The following CMTM8 variants were observed in gnomAD, a reference collection of about 807,000 sequenced individuals.
CMTM8 encodes CKLF-like MARVEL transmembrane domain-containing protein 8.
In CMTM8, 12 loss-of-function variants were observed where a neutral mutation model predicts 18.6. The ratio of observed to expected loss-of-function variants is 0.65; its 90% confidence interval spans 0.41 to 1.05. The LOEUF is 1.05. Ranked by LOEUF, CMTM8 falls within the 50% of genes least tolerant of loss-of-function variation. CMTM8 has a pLI of 0.00. For synonymous variants in CMTM8, 87 were observed against 90.6 expected (o/e 0.96, Z 0.23); for missense variants, 217 against 227.2 (o/e 0.95, Z 0.29).
At chr3:32,317,847 A>C (rs1217977035) in intron 1 of CMTM8, among the ~76,000 whole-genome samples, 1 of 152,126 alleles carries the variant, frequency 6.6e-6, no homozygotes, top group Non-Finnish European at 1.5e-5. Context: ...TGAGGTCAGG[A>C]GTTCAAGACC....
intron 1 of CMTM8, among the ~76,000 whole-genome samples, chr3:32,303,510 A>C (rs1695663130): frequency 6.6e-6 from 1 of 152,164 alleles, no homozygotes; most frequent in South Asian, 2.1e-4. Flanking sequence ...TGGGTCGCTT[A>C]TCTTCAAATT....
At chr3:32,315,158 T>C (rs1396615112) in intron 1 of CMTM8, among the ~76,000 whole-genome samples, 2 of 150,882 alleles carry the variant, frequency 1.3e-5, no homozygotes, top group African/African-American at 4.9e-5. Context: ...GAGATGGAGT[T>C]TCACTCTGTC....
At chr3:32,333,631 C>CAAA (rs10576288) in intron 1 of CMTM8, among the ~76,000 whole-genome samples, 3 of 114,824 alleles carry the variant, frequency 2.6e-5, no homozygotes, top group Admixed American at 9.3e-5. Context: ...ACTTTTCCAC[C>CAAA]AAAAAAAAAA....
chr3:32,361,132 C>T lies in CMTM8; in HGVS notation c.321+3586C>T, dbSNP rs959591376. On this transcript the variant is annotated intron_variant, in intron 2 of 3. Coordinates refer to ENST00000307526, the MANE Select transcript of CMTM8 (RefSeq NM_178868.5). ...GCGTAGCTGGGATTAAAGGCATGCG[C>T]CACCACGCCCAGCTAATTTTATATT... Among the ~76,000 whole-genome samples, 11 of 152,250 alleles carry T rather than the reference C, an allele frequency of 7.2e-5. No homozygotes were observed. The East Asian group carries it at 7.7e-4, about 11-fold the overall frequency.
chr3:32,322,200 A>G (rs572317160), intron 1 of CMTM8, among the ~76,000 whole-genome samples: 156 of 152,348 alleles, frequency 1.0e-3, no homozygotes, highest in Non-Finnish European at 1.8e-3. Flanking sequence ...CAAGAACCCA[A>G]CTGAGTGTGC....
intron 1 of CMTM8, among the ~76,000 whole-genome samples, chr3:32,346,208 T>G (rs115229689): frequency 0.013 from 1,913 of 152,230 alleles, 35 homozygotes; most frequent in South Asian, 0.026. Flanking sequence ...AGTAGGGTGG[T>G]CAAATACCTG....
intron 1 of CMTM8, among the ~76,000 whole-genome samples, chr3:32,248,013 T>TA (rs2125529366): frequency 6.6e-6 from 1 of 152,356 alleles, no homozygotes; most frequent in South Asian, 2.1e-4. Flanking sequence ...ATCATGTTTT[T>TA]AAGGGTCATC....
intron 1 of CMTM8, among the ~76,000 whole-genome samples, chr3:32,343,756 A>G (rs1185049047): frequency 6.6e-6 from 1 of 152,074 alleles, no homozygotes; most frequent in Admixed American, 6.6e-5. Context: ...CTGGAGTGCA[A>G]TGGCGTGATC....
chr3:32,344,916 T>G (rs1696565850), intron 1 of CMTM8, among the ~76,000 whole-genome samples: 1 of 152,020 alleles, frequency 6.6e-6, no homozygotes, highest in Admixed American at 6.6e-5. Context: ...ACCTGACATT[T>G]GTTTTCTTAG....
intron 1 of CMTM8, among the ~76,000 whole-genome samples, chr3:32,314,304 G>A (rs1253772571): frequency 1.3e-5 from 2 of 152,014 alleles, no homozygotes; most frequent in Non-Finnish European, 2.9e-5. Context: ...GGGCTGGTTG[G>A]GGTACCAGAG....
At chr3:32,295,592 A>G (rs1199545394) in intron 1 of CMTM8, among the ~76,000 whole-genome samples, 2 of 152,122 alleles carry the variant, frequency 1.3e-5, no homozygotes, top group African/African-American at 4.8e-5. Context: ...CATAGATCCA[A>G]CTATTGTATA....
chr3:32,362,468 C>T (rs764805588), intron 2 of CMTM8, among the ~76,000 whole-genome samples: 13 of 152,146 alleles, frequency 8.5e-5, no homozygotes, highest in Non-Finnish European at 1.8e-4. Flanking sequence ...TTCCATTTTG[C>T]AGATGAAGAA....
chr3:32,364,497 T>G (rs951009025), intron 2 of CMTM8, among the ~76,000 whole-genome samples: 2 of 151,936 alleles, frequency 1.3e-5, no homozygotes, highest in African/African-American at 4.8e-5. Flanking sequence ...AGTAAGATTC[T>G]GTCTCAAAAG....
At chr3:32,349,713 A>G (rs1696666996) in intron 1 of CMTM8, among the ~76,000 whole-genome samples, 1 of 152,120 alleles carries the variant, frequency 6.6e-6, no homozygotes, top group Non-Finnish European at 1.5e-5. Context: ...CAGATCAATA[A>G]TTTTATTGGC....
Position 32,349,116 on chromosome 3 carries a change from T to C in CMTM8, c.148-8257T>C, listed in dbSNP as rs868671964. 3.9e-5 allele frequency among the ~76,000 whole-genome samples: 6 copies of C among 152,290 alleles called. No individual in the cohort carries two copies. The Middle Eastern group carries it at 0.02, about 518-fold the overall frequency. Reference sequence around the variant, plus strand: ...TTCTTCTACCCCTTCAAAGTTACTTTCTTCCAGTTTGTTTTTTGGTTTTTG... The same window carrying C: ...TTCTTCTACCCCTTCAAAGTTACTTCCTTCCAGTTTGTTTTTTGGTTTTTG... On this transcript the variant is annotated intron_variant, in intron 1 of 3. Transcript: ENST00000307526.
chr3:32,279,934 G>A (rs1216212005), intron 1 of CMTM8, among the ~76,000 whole-genome samples: 1 of 151,440 alleles, frequency 6.6e-6, no homozygotes, highest in East Asian at 1.9e-4. Context: ...GGCCAGTGAT[G>A]ATGAGCATTT....
At chr3:32,355,522 T>G (rs1476982607) in intron 1 of CMTM8, among the ~76,000 whole-genome samples, 1 of 152,200 alleles carries the variant, frequency 6.6e-6, no homozygotes, top group African/African-American at 2.4e-5. Context: ...CTTGAAGACT[T>G]CATATTCTTC....
chr3:32,243,214 T>G (rs2125526613), intron 1 of CMTM8, among the ~76,000 whole-genome samples: 1 of 152,006 alleles, frequency 6.6e-6, no homozygotes, highest in East Asian at 2.0e-4. Flanking sequence ...ATAGCTCTCT[T>G]AAAAGTTTAT....
chr3:32,259,912 G>A (rs1427344836), intron 1 of CMTM8: 3 of 1,056,294 alleles, frequency 2.8e-6, no homozygotes, highest in Non-Finnish European at 4.3e-6. Flanking sequence ...ACAGCCTGAG[G>A]GAGGTGGAGG....
Sources: gnomAD v4.1 joint callset for allele counts (sites outside exome capture counted in the v4.1 genomes callset) on GRCh38, gnomAD v4.1.1 for gene constraint, MANE v1.5 for transcripts, NCBI Gene and HGNC (gene_info 2026-07-23, HGNC 2026-07-21) for gene names.